Variants in GNPNAT1 observed in about 807,000 individuals in gnomAD.
The protein encoded by GNPNAT1 is glucosamine 6-phosphate N-acetyltransferase.
GNPNAT1 carries 11 observed loss-of-function variants against 19.8 expected under a neutral mutation model. The observed-to-expected ratio is 0.56, with a 90% CI of 0.35 to 0.92. The LOEUF (loss-of-function observed/expected upper bound fraction) is 0.92. GNPNAT1 is among the 40% of genes least tolerant of loss of function. The pLI is 0.01. For missense variants in GNPNAT1, 157 were observed against 211.0 expected, an observed-to-expected ratio of 0.74 and a Z score of 1.59; for synonymous variants, 71 against 72.3, an observed-to-expected ratio of 0.98 and a Z score of 0.09.
intron 5 of GNPNAT1, among the ~76,000 whole-genome samples, chr14:52,778,678 C>T (rs975465548): frequency 1.3e-5 from 2 of 151,982 alleles, no homozygotes; most frequent in African/African-American, 4.8e-5. Flanking sequence ...CTCCAGCTCA[C>T]TAATAAACAG....
intron 1 of GNPNAT1, among the ~76,000 whole-genome samples, chr14:52,788,865 T>C (rs1883084035): frequency 6.6e-6 from 1 of 151,988 alleles, no homozygotes; most frequent in Non-Finnish European, 1.5e-5. Flanking sequence ...TATGAAGCCC[T>C]TAAATAATGA....
Position 52,783,412 on chromosome 14 carries a change from A to G in GNPNAT1, c.217+11T>C, listed in dbSNP as rs1297277091. The stretch of plus-strand genomic sequence containing the variant: ...CCCTTTATTTCAGGAAAAAGAGGTT[A>G]TAGTACTTACTCATAAATTGTTCAG... On this transcript the variant is annotated intron_variant, in intron 3 of 5. Transcript: ENST00000216410. 12 of 1,569,282 alleles carry G rather than the reference A, an allele frequency of 7.6e-6. No individual in the cohort carries two copies. Among genetic ancestry groups the G allele is most frequent in the Admixed American group, 5.1e-5 (3 of 59,300 alleles).
rs567085170 is a variant in GNPNAT1, at chr14:52,786,857, A to ATTTT, written c.-14-2197_-14-2194dup. Among the ~76,000 whole-genome samples the ATTTT allele has an allele frequency of 6.8e-4, 67 of 98,678 alleles. 1 individual carries two copies. The highest frequency in any genetic ancestry group is 1.7e-3 in the East Asian group (5 of 2,984). The allele number at this position is 98,678 out of a possible 152,430, so 64.7% of individuals were successfully genotyped here. On this transcript the variant is annotated intron_variant, in intron 1 of 5. Coordinates refer to ENST00000216410, the MANE Select transcript of GNPNAT1 (RefSeq NM_198066.4). ...GGACCAGAAATGTTTCAGGTTTTGG[A>ATTTT]TTTTTTTTTTTTTTTTTTTTTTTTT...
chr14:52,778,512 G>A, intron 5 of GNPNAT1, 54 bp from the exon 6 acceptor site: 1 of 1,425,320 alleles, frequency 7.0e-7, no homozygotes, highest in Non-Finnish European at 9.6e-7. Flanking sequence ...AATAAAAATT[G>A]ATTCTAGTAA....
At chr14:52,787,274 T>A (rs1373636774) in intron 1 of GNPNAT1, among the ~76,000 whole-genome samples, 1 of 152,138 alleles carries the variant, frequency 6.6e-6, no homozygotes, top group African/African-American at 2.4e-5. Flanking sequence ...GGGCAAATAT[T>A]CTTAACTTTT....
chr14:52,786,485 C>T (rs1883022133), intron 1 of GNPNAT1, among the ~76,000 whole-genome samples: 1 of 151,954 alleles, frequency 6.6e-6, no homozygotes, highest in African/African-American at 2.4e-5. Flanking sequence ...GCCTGGGCAA[C>T]AAGAGTGAAA....
Position 52,778,259 on chromosome 14 carries a change from A to T in GNPNAT1, c.*52T>A. On this transcript the variant is annotated 3_prime_UTR_variant, in exon 6 of 6. Transcript: ENST00000216410. ...AGCAACAAAATATTTCAACTCTAGG[A>T]AGAGTGTAGCCTTGTAGCATTAGCC... 1 of 1,376,036 alleles carries T rather than the reference A, an allele frequency of 7.3e-7. No homozygotes were observed. Among genetic ancestry groups the T allele is most frequent in the Non-Finnish European group, 9.8e-7 (1 of 1,019,650 alleles). The allele number at this position is 1,376,036 out of a possible 1,614,324, so 85.2% of individuals were successfully genotyped here. A position where few individuals can be genotyped will look rare whatever the true frequency, so the allele number is the denominator to read the frequency against.
intron 2 of GNPNAT1, among the ~76,000 whole-genome samples, chr14:52,783,859 T>C (rs578146560): frequency 1.3e-5 from 2 of 152,288 alleles, no homozygotes; most frequent in South Asian, 4.1e-4. Context: ...CTAAATACAA[T>C]ATTCGTAAAT....
chr14:52,785,020 G>A (rs140550203), intron 1 of GNPNAT1, among the ~76,000 whole-genome samples: 1 of 151,162 alleles, frequency 6.6e-6, no homozygotes, highest in Non-Finnish European at 1.5e-5. Flanking sequence ...CTGCCTTCTG[G>A]GTTCAAGTGA....
Position 52,776,928 on chromosome 14 carries a change from G to A in GNPNAT1, c.*1383C>T, listed in dbSNP as rs750962051. On this transcript the variant is annotated 3_prime_UTR_variant, in exon 6 of 6. Coordinates refer to ENST00000216410, the MANE Select transcript of GNPNAT1 (RefSeq NM_198066.4). Reference sequence around the variant, plus strand: ...CCTGATAAAACTACTCTTTGTCAAGGTTGTAGGACTTCTGAAAAGACAGAA... The same window carrying A: ...CCTGATAAAACTACTCTTTGTCAAGATTGTAGGACTTCTGAAAAGACAGAA... 1 of 152,214 alleles carries A rather than the reference G, an allele frequency of 6.6e-6. No homozygotes were observed. Among genetic ancestry groups the A allele is most frequent in the Non-Finnish European group, 1.5e-5 (1 of 68,042 alleles). 9.4% of individuals were successfully genotyped at this position (152,214 alleles called of 1,614,324 possible).
intron 1 of GNPNAT1, among the ~76,000 whole-genome samples, chr14:52,790,121 A>C (rs1265397334): frequency 1.3e-5 from 2 of 152,226 alleles, no homozygotes; most frequent in Non-Finnish European, 1.5e-5. Context: ...ACAAAACTTC[A>C]ACTATTTGGC....
At chr14:52,790,327 A>AG (rs1272147627) in intron 1 of GNPNAT1, among the ~76,000 whole-genome samples, 2 of 152,240 alleles carry the variant, frequency 1.3e-5, no homozygotes, top group African/African-American at 4.8e-5. Flanking sequence ...GAACCTTCTA[A>AG]GTACAGGTGA....
intron 5 of GNPNAT1, among the ~76,000 whole-genome samples, chr14:52,779,745 A>C (rs929818661): frequency 6.6e-6 from 1 of 150,940 alleles, no homozygotes; most frequent in Non-Finnish European, 1.5e-5. Context: ...AAAAAAAAAA[A>C]AAAAACATAA....
intron 1 of GNPNAT1, among the ~76,000 whole-genome samples, chr14:52,786,889 T>TTTTC (rs1883035455): frequency 1.7e-5 from 2 of 121,178 alleles, no homozygotes; most frequent in African/African-American, 3.2e-5. Context: ...TTTTTTTTTT[T>TTTTC]CAGATTTGGG....
intron 5 of GNPNAT1, among the ~76,000 whole-genome samples, chr14:52,779,908 C>G (rs944758232): frequency 3.3e-5 from 5 of 151,778 alleles, no homozygotes; most frequent in South Asian, 2.1e-4. Context: ...GTTCTTGGGC[C>G]AGGCACAGTG....
At chr14:52,779,018 A>G (rs184393370) in intron 5 of GNPNAT1, among the ~76,000 whole-genome samples, 12 of 152,238 alleles carry the variant, frequency 7.9e-5, no homozygotes, top group Admixed American at 3.3e-4. Flanking sequence ...TCTGTCTTGA[A>G]AAAGAAAAAC....
In GNPNAT1 at chr14:52,778,269, C is replaced by G; in HGVS notation, c.*42G>C. The G allele has an allele frequency of 6.8e-7, 1 of 1,475,186 alleles. No homozygotes were observed. Among genetic ancestry groups the G allele is most frequent in the Non-Finnish European group, 9.2e-7 (1 of 1,088,740 alleles). The allele number at this position is 1,475,186 out of a possible 1,614,324, so 91.4% of individuals were successfully genotyped here. On this transcript the variant is annotated 3_prime_UTR_variant, in exon 6 of 6. Coordinates refer to ENST00000216410, the MANE Select transcript of GNPNAT1 (RefSeq NM_198066.4). ...TATTTCAACTCTAGGAAGAGTGTAGCCTTGTAGCATTAGCCCCTTTGACAA... is the reference window on the plus strand; with the variant it reads ...TATTTCAACTCTAGGAAGAGTGTAGGCTTGTAGCATTAGCCCCTTTGACAA...
chr14:52,784,454 A>G (rs757152127), intron 2 of GNPNAT1, 43 bp downstream of exon 2: 3 of 1,448,504 alleles, frequency 2.1e-6, no homozygotes, highest in African/African-American at 1.5e-5. Context: ...TTAGAGAAAA[A>G]TGGAAGGCTA....
At chr14:52,789,207 A>C (rs1224177920) in intron 1 of GNPNAT1, among the ~76,000 whole-genome samples, 1 of 152,164 alleles carries the variant, frequency 6.6e-6, no homozygotes, top group Admixed American at 6.6e-5. Flanking sequence ...CACTGTTTTG[A>C]AGTTCTTAAT....
Sources: allele counts gnomAD v4.1 joint callset (sites outside exome capture counted in the v4.1 genomes callset), GRCh38; gene constraint gnomAD v4.1.1; transcripts MANE v1.5; gene names NCBI Gene and HGNC (gene_info 2026-07-23, HGNC 2026-07-21).